The following SPATA16 variants were observed in gnomAD, a reference collection of about 807,000 sequenced individuals.
The protein encoded by SPATA16 is spermatogenesis associated 16.
A neutral mutation model predicts 63.3 loss-of-function variants in SPATA16; 36 were observed. The observed-to-expected ratio is 0.57, with a 90% CI of 0.44 to 0.75. The LOEUF (loss-of-function observed/expected upper bound fraction) is 0.75, where lower values mean the gene tolerates loss of function less well. Ranked by LOEUF, SPATA16 falls within the 30% of genes least tolerant of loss-of-function variation. The pLI is 0.00. For missense variants in SPATA16, 646 were observed against 679.3 expected (o/e 0.95, Z 0.54); for synonymous variants, 203 against 216.7 (o/e 0.94, Z 0.56).
chr3:173,102,279 G>A (rs1368980395), intron 2 of SPATA16, among the ~76,000 whole-genome samples: 1 of 152,090 alleles, frequency 6.6e-6, no homozygotes, highest in Non-Finnish European at 1.5e-5. Flanking sequence ...TATCTCAATG[G>A]TACAGGTTCT....
chr3:173,010,178 G>A (rs981212910), intron 4 of SPATA16, among the ~76,000 whole-genome samples: 2 of 152,186 alleles, frequency 1.3e-5, no homozygotes, highest in African/African-American at 4.8e-5. Context: ...GAGCACTCTG[G>A]TTGGCTGCAG....
intron 4 of SPATA16, among the ~76,000 whole-genome samples, chr3:173,007,955 A>G (rs1301767365): frequency 6.6e-6 from 1 of 152,170 alleles, no homozygotes; most frequent in East Asian, 1.9e-4. Flanking sequence ...ATCTTATTGA[A>G]TATATTCAAC....
At chr3:173,061,227 C>A (rs1342302957) in intron 2 of SPATA16, among the ~76,000 whole-genome samples, 1 of 152,144 alleles carries the variant, frequency 6.6e-6, no homozygotes, top group Non-Finnish European at 1.5e-5. Flanking sequence ...CGTGGATATA[C>A]AGAGAGAGAT....
At chr3:173,130,267 G>A (rs1415807213) in intron 1 of SPATA16, among the ~76,000 whole-genome samples, 7 of 148,332 alleles carry the variant, frequency 4.7e-5, no homozygotes, top group Admixed American at 3.5e-4. Flanking sequence ...GGCTGAGGCA[G>A]GAGAATCACT....
At chr3:173,092,802 G>A (rs1333286580) in intron 2 of SPATA16, among the ~76,000 whole-genome samples, 1 of 152,066 alleles carries the variant, frequency 6.6e-6, no homozygotes, top group Admixed American at 6.6e-5. Flanking sequence ...AAATACAGAG[G>A]AGACAGTTAA....
intron 3 of SPATA16, among the ~76,000 whole-genome samples, chr3:173,024,304 T>A (rs902889146): frequency 4.0e-5 from 6 of 151,668 alleles, no homozygotes; most frequent in African/African-American, 1.4e-4. Context: ...TAGGCTAAAT[T>A]TTTTAGAAAA....
At chr3:172,994,362 A>G (rs1028845013) in intron 4 of SPATA16, among the ~76,000 whole-genome samples, 5 of 152,192 alleles carry the variant, frequency 3.3e-5, no homozygotes, top group Non-Finnish European at 4.4e-5. Flanking sequence ...CGTTAATTCT[A>G]CTGGGAGAAA....
chr3:172,990,702 A>C (rs994072253), intron 4 of SPATA16, among the ~76,000 whole-genome samples: 10 of 152,196 alleles, frequency 6.6e-5, no homozygotes, highest in African/African-American at 1.9e-4. Context: ...TTTATGTCTG[A>C]GTACCTGGAA....
intron 2 of SPATA16, among the ~76,000 whole-genome samples, chr3:173,055,285 A>G (rs1451111976): frequency 2.6e-5 from 4 of 152,206 alleles, no homozygotes; most frequent in Non-Finnish European, 5.9e-5. Context: ...CTGGACACTT[A>G]CTCCAGAGAC....
intron 2 of SPATA16, among the ~76,000 whole-genome samples, chr3:173,072,413 C>G (rs1340271369): frequency 6.6e-6 from 1 of 152,060 alleles, no homozygotes; most frequent in South Asian, 2.1e-4. Flanking sequence ...GTGTCCCCAC[C>G]CAAATCTCAT....
chr3:173,077,629 G>A (rs1041379127), intron 2 of SPATA16, among the ~76,000 whole-genome samples: 2 of 152,132 alleles, frequency 1.3e-5, no homozygotes, highest in African/African-American at 4.8e-5. Flanking sequence ...ATGTGAGAAC[G>A]GGTGATAACT....
At chr3:173,136,243 G>A (rs144868363) in intron 1 of SPATA16, among the ~76,000 whole-genome samples, 6 of 152,270 alleles carry the variant, frequency 3.9e-5, no homozygotes, top group African/African-American at 1.4e-4. Flanking sequence ...ACATTTCTGA[G>A]GGTTCCAAAC....
intron 6 of SPATA16, among the ~76,000 whole-genome samples, chr3:172,953,406 T>C (rs985613437): frequency 2.6e-5 from 4 of 152,010 alleles, no homozygotes; most frequent in African/African-American, 9.7e-5. Flanking sequence ...TTCTGTGGAA[T>C]GGAGGGGATT....
At chr3:173,025,004 C>T (rs1288891505) in intron 3 of SPATA16, among the ~76,000 whole-genome samples, 1 of 150,490 alleles carries the variant, frequency 6.6e-6, no homozygotes, top group African/African-American at 2.4e-5. Context: ...GATTTTAATT[C>T]CTCTTTAAAG....
intron 3 of SPATA16, among the ~76,000 whole-genome samples, chr3:173,031,108 G>A (rs576478431): frequency 5.3e-5 from 8 of 152,138 alleles, no homozygotes; most frequent in Admixed American, 5.2e-4. Flanking sequence ...TATTTAATAG[G>A]CATAGACTTT....
At chr3:173,052,266 T>G (rs1354526317) in intron 2 of SPATA16, among the ~76,000 whole-genome samples, 1 of 152,060 alleles carries the variant, frequency 6.6e-6, no homozygotes, top group East Asian at 1.9e-4. Flanking sequence ...AGTCTCTGCT[T>G]GTATAAGATT....
In SPATA16 at chr3:172,982,671, CAT is replaced by C. The variant is rs578099242; in HGVS notation, c.849-5621_849-5620del. Among the ~76,000 whole-genome samples, 535 of 152,236 alleles carry C rather than the reference CAT, an allele frequency of 3.5e-3. 3 individuals carry two copies. Among genetic ancestry groups the C allele is most frequent in the African/African-American group, 0.013 (521 of 41,546 alleles). On this transcript the variant is annotated intron_variant, in intron 4 of 10. Transcript: ENST00000351008. Reference sequence around the variant, plus strand: ...GCAAATGCACAATAAAATAATGTGACATGTTATTATTCATCAAATAGGTACCA... The same window carrying C: ...GCAAATGCACAATAAAATAATGTGACGTTATTATTCATCAAATAGGTACCA...
At chr3:172,894,835 A>G (rs1017167914) in intron 10 of SPATA16, among the ~76,000 whole-genome samples, 4 of 152,206 alleles carry the variant, frequency 2.6e-5, no homozygotes, top group African/African-American at 7.2e-5. Flanking sequence ...TGCACCAACT[A>G]TGAACCAGAA....
intron 2 of SPATA16, among the ~76,000 whole-genome samples, chr3:173,086,014 T>A (rs908578276): frequency 3.3e-5 from 5 of 151,202 alleles, no homozygotes; most frequent in African/African-American, 4.9e-5. Context: ...TTTGTATCTC[T>A]GCCAGGTTTT....
Sources: allele counts gnomAD v4.1 joint callset (sites outside exome capture counted in the v4.1 genomes callset), GRCh38; gene constraint gnomAD v4.1.1; transcripts MANE v1.5; gene names NCBI Gene and HGNC (gene_info 2026-07-23, HGNC 2026-07-21).